LRP1B: variants seen among roughly 807,000 people sequenced by gnomAD.
LRP1B encodes low-density lipoprotein receptor-related protein 1B.
A neutral mutation model predicts 556.6 loss-of-function variants in LRP1B; 217 were observed. The ratio of observed to expected loss-of-function variants is 0.39; its 90% CI spans 0.35 to 0.44. The LOEUF (loss-of-function observed/expected upper bound fraction) is 0.44. Ranked by LOEUF, LRP1B falls within the 20% of genes least tolerant of loss-of-function variation. The pLI, the probability that LRP1B is intolerant of heterozygous loss-of-function variation, is 1.00. For synonymous variants in LRP1B, 2,047 were observed against 1,865.8 expected (o/e 1.10, Z -2.50); for missense variants, 5,053 against 5,620.8 (o/e 0.90, Z 3.23).
intron 1 of LRP1B, among the ~76,000 whole-genome samples, chr2:141,826,014 T>C (rs1046257682): frequency 1.3e-5 from 2 of 151,958 alleles, no homozygotes; most frequent in South Asian, 4.1e-4. Context: ...TGAATTAGAG[T>C]GTTATGATCA....
chr2:140,457,718 A>G, intron 60 of LRP1B, 67 bp from the exon 61 acceptor site: 1 of 1,227,268 alleles, frequency 8.1e-7, no homozygotes, highest in South Asian at 1.3e-5. Context: ...ATTCAATACT[A>G]CATGGGCTGA....
intron 1 of LRP1B, among the ~76,000 whole-genome samples, chr2:141,863,592 G>A (rs1698318538): frequency 6.6e-6 from 1 of 152,076 alleles, no homozygotes; most frequent in African/African-American, 2.4e-5. Flanking sequence ...TTTTGTGACA[G>A]GAGATCAACA....
intron 1 of LRP1B, among the ~76,000 whole-genome samples, chr2:141,983,783 G>A (rs1702108368): frequency 6.6e-6 from 1 of 152,172 alleles, no homozygotes; most frequent in South Asian, 2.1e-4. Flanking sequence ...CATTTAGGCT[G>A]GGCGTGGTGG....
intron 5 of LRP1B, among the ~76,000 whole-genome samples, chr2:141,245,613 G>A (rs1290313264): frequency 6.6e-6 from 1 of 152,134 alleles, no homozygotes; most frequent in Non-Finnish European, 1.5e-5. Flanking sequence ...ATTTCCTTAT[G>A]TTATTTTCAA....
chr2:141,233,798 A>C (rs1036180980), intron 5 of LRP1B, among the ~76,000 whole-genome samples: 2 of 152,098 alleles, frequency 1.3e-5, no homozygotes, highest in African/African-American at 4.8e-5. Flanking sequence ...GTTTCCTTCT[A>C]AGTGATTGAA....
intron 66 of LRP1B, among the ~76,000 whole-genome samples, chr2:140,434,043 G>GTTTC (rs878979575): frequency 4.6e-5 from 7 of 151,284 alleles, no homozygotes; most frequent in East Asian, 1.9e-4. Context: ...AATAGTAATA[G>GTTTC]TTTCTTTCTT....
At chr2:141,024,283 C>T (rs1698155567) in intron 11 of LRP1B, among the ~76,000 whole-genome samples, 1 of 152,010 alleles carries the variant, frequency 6.6e-6, no homozygotes, top group Non-Finnish European at 1.5e-5. Flanking sequence ...ACCTCATTTT[C>T]ATTCCAGATT....
chr2:140,546,425 A>G (rs1276025757), intron 43 of LRP1B, among the ~76,000 whole-genome samples: 2 of 152,100 alleles, frequency 1.3e-5, no homozygotes, highest in African/African-American at 4.8e-5. Flanking sequence ...AAAAGGTTTA[A>G]TTGACCCACA....
intron 90 of LRP1B, among the ~76,000 whole-genome samples, chr2:140,233,687 C>T (rs1190780849): frequency 6.6e-6 from 1 of 151,110 alleles, no homozygotes; most frequent in African/African-American, 2.4e-5. Flanking sequence ...TGTGTTGTCC[C>T]CCTTATTGCT....
intron 2 of LRP1B, among the ~76,000 whole-genome samples, chr2:141,574,616 C>A (rs184547022): frequency 0.011 from 1,633 of 152,078 alleles, 14 homozygotes; most frequent in Middle Eastern, 0.017. Context: ...GGCAATCAGG[C>A]AAGAGAAAGA....
At chr2:141,719,978 T>C (rs1276602320) in intron 2 of LRP1B, among the ~76,000 whole-genome samples, 2 of 152,112 alleles carry the variant, frequency 1.3e-5, no homozygotes, top group South Asian at 2.1e-4. Flanking sequence ...AACCTGGACA[T>C]GTATCCTTGC....
intron 41 of LRP1B, among the ~76,000 whole-genome samples, chr2:140,622,482 C>T (rs146040608): frequency 3.0e-4 from 46 of 152,146 alleles, no homozygotes; most frequent in East Asian, 2.1e-3. Context: ...TCCTGTCAGT[C>T]GGTTTGTATA....
intron 3 of LRP1B, among the ~76,000 whole-genome samples, chr2:141,268,609 T>C (rs766061947): frequency 4.6e-5 from 7 of 152,080 alleles, no homozygotes; most frequent in Non-Finnish European, 7.4e-5. Context: ...CCTCAGGAAT[T>C]ACAGGTACTT....
rs574497189 is a variant in LRP1B, at chr2:141,269,015, T to C, written c.344-14374A>G. Among the ~76,000 whole-genome samples, 82 of 152,192 alleles carry C rather than the reference T, an allele frequency of 5.4e-4. 1 individual carries two copies. The South Asian group carries it at 0.017, about 31-fold the overall frequency. On this transcript the variant is annotated intron_variant, in intron 3 of 90. Transcript: ENST00000389484. ...CACTTGTAAAGCAGAGGTATAACTC[T>C]AAGAAGAGTGAAGCACTGTCCCAGT...
chr2:141,236,717 T>C (rs1383334207), intron 5 of LRP1B, among the ~76,000 whole-genome samples: 1 of 152,124 alleles, frequency 6.6e-6, no homozygotes, highest in African/African-American at 2.4e-5. Context: ...CCTTCAAATC[T>C]AGAGTAAAGT....
chr2:141,776,842 G>C (rs1349171149), intron 2 of LRP1B, among the ~76,000 whole-genome samples: 2 of 152,140 alleles, frequency 1.3e-5, no homozygotes, highest in Non-Finnish European at 2.9e-5. Flanking sequence ...ACTAATAATA[G>C]ATTATAACAG....
At chr2:141,713,774 A>G (rs1352739832) in intron 2 of LRP1B, among the ~76,000 whole-genome samples, 1 of 152,184 alleles carries the variant, frequency 6.6e-6, no homozygotes, top group African/African-American at 2.4e-5. Flanking sequence ...GAGTCATATT[A>G]TTATGAATCT....
chr2:141,407,421 G>C (rs1460344373), intron 3 of LRP1B, among the ~76,000 whole-genome samples: 1 of 152,118 alleles, frequency 6.6e-6, no homozygotes, highest in Non-Finnish European at 1.5e-5. Context: ...GATACAGTTT[G>C]AAGGTATGAC....
intron 7 of LRP1B, among the ~76,000 whole-genome samples, chr2:141,131,170 T>A (rs567426307): frequency 0.034 from 5,173 of 152,010 alleles, 33 homozygotes; most frequent in East Asian, 0.15. Flanking sequence ...ACAGATAGTC[T>A]CCACTTACAG....
Sources: allele counts gnomAD v4.1 joint callset (sites outside exome capture counted in the v4.1 genomes callset), GRCh38; gene constraint gnomAD v4.1.1; transcripts MANE v1.5; gene names NCBI Gene and HGNC (gene_info 2026-07-23, HGNC 2026-07-21).